Variants in EMP1 observed in about 807,000 individuals in gnomAD.
EMP1 encodes the protein epithelial membrane protein 1.
EMP1 carries 5 observed loss-of-function variants against 15.7 expected under a neutral mutation model. The observed-to-expected ratio is 0.32, with a 90% CI of 0.17 to 0.67. EMP1 has a LOEUF of 0.67. Ranked by LOEUF, EMP1 falls within the 30% of genes least tolerant of loss-of-function variation. EMP1 has a pLI of 0.74. For missense variants in EMP1, 166 were observed against 194.2 expected (o/e 0.85, Z 0.86); for synonymous variants, 78 against 76.7 (o/e 1.02, Z -0.09).
Position 13,219,188 on chromosome 12 carries a change from A to G in EMP1, c.*4497A>G, listed in dbSNP as rs1422471454. The G allele has an allele frequency of 6.6e-6, 1 of 152,248 alleles. No homozygotes were observed. Among genetic ancestry groups the G allele is most frequent in the Non-Finnish European group, 1.5e-5 (1 of 68,074 alleles). The allele number at this position is 152,248 out of a possible 1,614,324, so 9.4% of individuals were successfully genotyped here. ...CTGATGTCAGGATGGGCGTTGATGGATGCTTCTATCACTGTCGGGGCAGGG... is the reference window on the plus strand; with the variant it reads ...CTGATGTCAGGATGGGCGTTGATGGGTGCTTCTATCACTGTCGGGGCAGGG... On this transcript the variant is annotated 3_prime_UTR_variant, in exon 5 of 5. Transcript: ENST00000256951.
intron 1 of EMP1, chr12:13,199,245 T>G (rs10772630): frequency 3.9e-5 from 6 of 152,492 alleles, no homozygotes; most frequent in African/African-American, 1.4e-4. Context: ...GGACTCACTG[T>G]GCCTTCCTCA....
At chr12:13,200,264 C>A (rs773427461) in intron 1 of EMP1, among the ~76,000 whole-genome samples, 2 of 152,080 alleles carry the variant, frequency 1.3e-5, no homozygotes, top group Non-Finnish European at 2.9e-5. Context: ...TCTAGCTAGG[C>A]CTTTTGGGGA....
chr12:13,217,779 C>T lies in EMP1; in HGVS notation c.*3088C>T, dbSNP rs1243179843. On this transcript the variant is annotated 3_prime_UTR_variant, in exon 5 of 5. Transcript: ENST00000256951. The stretch of plus-strand genomic sequence containing the variant: ...CATTAGTCAGAATTCTCCAGAGAAA[C>T]AGAAAAAATAAGATTCGCGTGTGTG... The T allele has an allele frequency of 6.6e-6, 1 of 151,414 alleles. No individual in the cohort carries two copies. The highest frequency in any genetic ancestry group is 2.4e-5 in the African/African-American group (1 of 40,968). The allele number at this position is 151,414 out of a possible 1,614,324, so 9.4% of individuals were successfully genotyped here.
At position 13,215,356 on chromosome 12, in the gene EMP1, C is replaced by G. The variant is rs1185542414; in HGVS notation, c.*665C>G. The G allele has an allele frequency of 6.6e-6, 1 of 152,388 alleles. No individual in the cohort carries two copies. The highest frequency in any genetic ancestry group is 1.5e-5 in the Non-Finnish European group (1 of 68,274). 9.4% of individuals were successfully genotyped at this position (152,388 alleles called of 1,614,324 possible). A position where few individuals can be genotyped will look rare whatever the true frequency, so the allele number is the denominator to read the frequency against. On this transcript the variant is annotated 3_prime_UTR_variant, in exon 5 of 5. Coordinates refer to ENST00000256951, the MANE Select transcript of EMP1 (RefSeq NM_001423.3). The stretch of plus-strand genomic sequence containing the variant: ...GGAAAACCTGGGGGATGGTCAGAGC[C>G]CAGTCGAGACCTCACACACGGCTGT...
intron 1 of EMP1, among the ~76,000 whole-genome samples, chr12:13,204,933 G>A (rs1328090383): frequency 1.3e-5 from 2 of 152,156 alleles, no homozygotes; most frequent in South Asian, 2.1e-4. Flanking sequence ...TGGTAGTTCT[G>A]CTGTGAAGAC....
At chr12:13,202,614 C>A (rs568990123) in intron 1 of EMP1, among the ~76,000 whole-genome samples, 14 of 152,184 alleles carry the variant, frequency 9.2e-5, no homozygotes, top group African/African-American at 3.1e-4. Flanking sequence ...GACTCCTGTG[C>A]TGAGGGTTAG....
At chr12:13,205,030 A>G (rs1591706986) in intron 1 of EMP1, among the ~76,000 whole-genome samples, 1 of 152,284 alleles carries the variant, frequency 6.6e-6, no homozygotes, top group African/African-American at 2.4e-5. Context: ...CAAAGAGCAC[A>G]CTCGGACGTA....
chr12:13,202,313 T>G (rs1321687931), intron 1 of EMP1, among the ~76,000 whole-genome samples: 1 of 152,232 alleles, frequency 6.6e-6, no homozygotes, highest in Non-Finnish European at 1.5e-5. Flanking sequence ...TCATTTTAGT[T>G]TCCACTACAT....
At chr12:13,204,409 C>T (rs1349656401) in intron 1 of EMP1, among the ~76,000 whole-genome samples, 1 of 152,216 alleles carries the variant, frequency 6.6e-6, no homozygotes, top group African/African-American at 2.4e-5. Flanking sequence ...CAGACACATC[C>T]TCTCCGGCTG....
chr12:13,212,651 C>G (rs1457736897), intron 2 of EMP1, among the ~76,000 whole-genome samples: 2 of 152,202 alleles, frequency 1.3e-5, no homozygotes, highest in Non-Finnish European at 2.9e-5. Flanking sequence ...GAATTACCAG[C>G]CCCTAATATA....
chr12:13,215,630 A>G lies in EMP1; in HGVS notation c.*939A>G, dbSNP rs1343731838. On this transcript the variant is annotated 3_prime_UTR_variant, in exon 5 of 5. Coordinates refer to ENST00000256951, the MANE Select transcript of EMP1 (RefSeq NM_001423.3). ...AGAGATGGACATGGCTCATTGTAGCACAATCCTATTACTCTTCCTCTAACA... is the reference window on the plus strand; with the variant it reads ...AGAGATGGACATGGCTCATTGTAGCGCAATCCTATTACTCTTCCTCTAACA... 2 of 152,298 alleles carry G rather than the reference A, an allele frequency of 1.3e-5. No homozygotes were observed. Among genetic ancestry groups the G allele is most frequent in the Non-Finnish European group, 2.9e-5 (2 of 68,066 alleles). 9.4% of individuals were successfully genotyped at this position (152,298 alleles called of 1,614,324 possible).
chr12:13,200,282 A>C (rs533558499), intron 1 of EMP1, among the ~76,000 whole-genome samples: 13 of 152,306 alleles, frequency 8.5e-5, no homozygotes, highest in African/African-American at 3.1e-4. Flanking sequence ...GGATTGTCCC[A>C]TAATTTGGTC....
chr12:13,197,141 G>A (rs1014411729), intron 1 of EMP1, among the ~76,000 whole-genome samples: 12 of 152,142 alleles, frequency 7.9e-5, no homozygotes, highest in Admixed American at 5.9e-4. Context: ...GGCAGTGACC[G>A]GGTTCTTGTT....
At position 13,216,996 on chromosome 12, in the gene EMP1, C is replaced by CA. The variant is rs1415722170; in HGVS notation, c.*2311dup. On this transcript the variant is annotated 3_prime_UTR_variant, in exon 5 of 5. Transcript: ENST00000256951. The stretch of plus-strand genomic sequence containing the variant: ...TCTTGCTTTGATTAAACCTCTTAGG[C>CA]AAAAAATGGAACTTCATAAGCTAAT... The CA allele has an allele frequency of 6.6e-6, 1 of 152,382 alleles. No individual in the cohort carries two copies. The highest frequency in any genetic ancestry group is 2.4e-5 in the African/African-American group (1 of 41,420). The allele number at this position is 152,382 out of a possible 1,614,324, so 9.4% of individuals were successfully genotyped here.
rs926709909 is a variant in EMP1 at position 13,211,228 on chromosome 12, T to G, written c.-42-241T>G. 3.9e-5 allele frequency among the ~76,000 whole-genome samples: 6 copies of G among 152,348 alleles called. No homozygotes were observed. Among genetic ancestry groups the G allele is most frequent in the African/African-American group, 1.4e-4 (6 of 41,578 alleles). On this transcript the variant is annotated intron_variant, in intron 1 of 4. Coordinates refer to ENST00000256951, the MANE Select transcript of EMP1 (RefSeq NM_001423.3). The surrounding 1 kb of genome is among the most constrained non-coding windows in gnomAD (Gnocchi z 4.7). ...ATAGAATGTATTAGAGAAATGAATA[T>G]GTAAATACCCAAGAAGAAACCAAAT...
chr12:13,214,830 A>C lies in EMP1; in HGVS notation c.*139A>C. On this transcript the variant is annotated 3_prime_UTR_variant, in exon 5 of 5. Coordinates refer to ENST00000256951, the MANE Select transcript of EMP1 (RefSeq NM_001423.3). Reference sequence around the variant, plus strand: ...AAGCAAAGGGGGGAGGTCAAATCCCAAACCATTACTGAGGGGATTCTCTAC... The same window carrying C: ...AAGCAAAGGGGGGAGGTCAAATCCCCAACCATTACTGAGGGGATTCTCTAC... 1 of 673,346 alleles carries C rather than the reference A, an allele frequency of 1.5e-6. No homozygotes were observed. The highest frequency in any genetic ancestry group is 2.4e-6 in the Non-Finnish European group (1 of 411,624). The allele number at this position is 673,346 out of a possible 1,614,324, so 41.7% of individuals were successfully genotyped here. A position where few individuals can be genotyped will look rare whatever the true frequency, so the allele number is the denominator to read the frequency against.
At chr12:13,214,482 T>C in intron 4 of EMP1, 52 bp from the exon 5 acceptor site, 2 of 1,585,086 alleles carry the variant, frequency 1.3e-6, no homozygotes, top group Non-Finnish European at 1.7e-6. Context: ...TAAAACTTTT[T>C]CTCGACTTTA....
chr12:13,216,327 A>G lies in EMP1; in HGVS notation c.*1636A>G. 1.4e-6 allele frequency: 1 copy of G among 695,862 alleles called. No homozygotes were observed. The highest frequency in any genetic ancestry group is 2.6e-6 in the Non-Finnish European group (1 of 382,608). The allele number at this position is 695,862 out of a possible 1,614,324, so 43.1% of individuals were successfully genotyped here. On this transcript the variant is annotated 3_prime_UTR_variant, in exon 5 of 5. Transcript: ENST00000256951. ...CCATGATTTTTGGTATTTATGTAAA[A>G]GGATTATTACTAATTCTATTTCTCT...
chr12:13,206,713 A>T lies in EMP1; in HGVS notation c.-42-4756A>T, dbSNP rs1864113470. 3.3e-5 allele frequency among the ~76,000 whole-genome samples: 5 copies of T among 152,234 alleles called. No homozygotes were observed. In the South Asian group the frequency reaches 8.3e-4, roughly 25 times the overall value. On this transcript the variant is annotated intron_variant, in intron 1 of 4. Coordinates refer to ENST00000256951, the MANE Select transcript of EMP1 (RefSeq NM_001423.3). ...CCTAGGTTAGCAATCAGGGAACCAA[A>T]TTATGCACCTCTAAACTTCCCTTCT...
Sources: gnomAD v4.1 joint callset for allele counts (sites outside exome capture counted in the v4.1 genomes callset) on GRCh38, gnomAD v4.1.1 for gene constraint, Gnocchi (gnomAD v3.1) non-coding constraint, MANE v1.5 for transcripts, NCBI Gene and HGNC (gene_info 2026-07-23, HGNC 2026-07-21) for gene names.